Variants in AVEN observed in about 807,000 individuals in gnomAD.
AVEN encodes apoptosis and caspase activation inhibitor.
In AVEN, 41 loss-of-function variants were observed where a neutral mutation model predicts 38.1. The ratio of observed to expected loss-of-function variants is 1.08; its 90% CI spans 0.84 to 1.40. The LOEUF (loss-of-function observed/expected upper bound fraction) is 1.40, where lower values mean the gene tolerates loss of function less well. Among genes scored for constraint, AVEN ranks in the 40% most tolerant of loss-of-function variants. The probability of loss-of-function intolerance (pLI) is 0.00; values close to 1 mark genes in which losing one functional copy is unlikely to be tolerated. For synonymous variants in AVEN, 206 were observed against 171.8 expected, an observed-to-expected ratio of 1.20 and a Z score of -1.56; for missense variants, 605 against 438.8, an observed-to-expected ratio of 1.38 and a Z score of -3.38.
chr15:33,990,190 T>TGA (rs1360810671), intron 2 of AVEN, among the ~76,000 whole-genome samples: 2 of 150,184 alleles, frequency 1.3e-5, no homozygotes, highest in Non-Finnish European at 3.0e-5. Flanking sequence ...GGCAACAGGG[T>TGA]GAGACTCCGT....
intron 1 of AVEN, 126 bp downstream of exon 1, chr15:34,038,654 A>AGGCGCCGGCGCCGGC (rs1306899235): frequency 2.3e-6 from 2 of 854,276 alleles, no homozygotes; most frequent in Non-Finnish European, 2.9e-6. Context: ...CGTCCCGCGC[A>AGGCGCCGGCGCCGGC]GGCGCCGGCG....
At chr15:33,936,874 G>A (rs1405523616) in intron 2 of AVEN, among the ~76,000 whole-genome samples, 2 of 152,250 alleles carry the variant, frequency 1.3e-5, no homozygotes, top group African/African-American at 4.8e-5. Flanking sequence ...GCTCACGCCT[G>A]TAATCCCAAC....
chr15:33,862,287 A>G (rs943036278), downstream of AVEN, among the ~76,000 whole-genome samples: 4 of 152,098 alleles, frequency 2.6e-5, no homozygotes, highest in Non-Finnish European at 5.9e-5. Flanking sequence ...ATCTTGGCTC[A>G]CTGCAACCTC....
At chr15:33,908,723 T>A (rs1017244190) in intron 2 of AVEN, among the ~76,000 whole-genome samples, 5 of 152,242 alleles carry the variant, frequency 3.3e-5, no homozygotes, top group Non-Finnish European at 5.9e-5. Context: ...ATTTATTCAT[T>A]TATCCATGAA....
At chr15:34,016,355 T>C (rs114427995) in intron 1 of AVEN, among the ~76,000 whole-genome samples, 59 of 152,328 alleles carry the variant, frequency 3.9e-4, no homozygotes, top group African/African-American at 1.4e-3. Context: ...TCTTATTATG[T>C]AGTAAACTTA....
intron 2 of AVEN, among the ~76,000 whole-genome samples, chr15:33,998,622 T>A (rs943994361): frequency 2.1e-4 from 32 of 152,174 alleles, no homozygotes; most frequent in African/African-American, 7.7e-4. Flanking sequence ...CAAGAAAAAA[T>A]TTATGCCACC....
At chr15:33,996,126 GA>G (rs1896922791) in intron 2 of AVEN, among the ~76,000 whole-genome samples, 3 of 152,250 alleles carry the variant, frequency 2.0e-5, no homozygotes, top group African/African-American at 7.2e-5. Context: ...CTGGCAGGGG[GA>G]GGGGCGTCTG....
At chr15:33,917,403 ATAC>A (rs1567412523) in intron 2 of AVEN, among the ~76,000 whole-genome samples, 9 of 147,744 alleles carry the variant, frequency 6.1e-5, no homozygotes, top group South Asian at 4.3e-4. Flanking sequence ...CACACATGGA[ATAC>A]TACTATATAT....
At chr15:33,859,809 G>A (rs2153013873) in intron 11 of AVEN, 2 of 1,416,182 alleles carry the variant, frequency 1.4e-6, no homozygotes, top group Non-Finnish European at 1.9e-6. Flanking sequence ...TGACTTAATT[G>A]GTTTATGAAG....
intron 5 of AVEN, among the ~76,000 whole-genome samples, chr15:34,057,269 TGAGAATATAGGCACATGCCACCAC>T: frequency 6.6e-6 from 1 of 151,578 alleles, no homozygotes; most frequent in Non-Finnish European, 1.5e-5. Context: ...CCTGAGTAGC[TGAGAATATAGGCACATGCCACCAC>T]GCCCAGCTAA....
chr15:34,002,153 A>G (rs964559426), intron 2 of AVEN, among the ~76,000 whole-genome samples: 1 of 152,182 alleles, frequency 6.6e-6, no homozygotes, highest in African/African-American at 2.4e-5. Flanking sequence ...CAATCTGCCA[A>G]TCTTATTCAA....
At chr15:33,864,009 C>T (rs1333153531), downstream of AVEN, 10 of 630,024 alleles carry the variant, frequency 1.6e-5, no homozygotes, top group East Asian at 2.5e-4. Context: ...GCCACACTTC[C>T]CTGATCATTT....
At chr15:34,004,662 T>C (rs1897266654) in intron 1 of AVEN, among the ~76,000 whole-genome samples, 1 of 152,160 alleles carries the variant, frequency 6.6e-6, no homozygotes. Flanking sequence ...AGATAGGACA[T>C]GTGAGGTTTG....
chr15:33,862,659 G>A (rs537200198), downstream of AVEN, among the ~76,000 whole-genome samples: 18 of 152,072 alleles, frequency 1.2e-4, no homozygotes, highest in South Asian at 3.7e-3. Context: ...CACCCAGGCT[G>A]AAGTGCAGTG....
At chr15:33,921,599 G>T (rs114962462) in intron 2 of AVEN, among the ~76,000 whole-genome samples, 56 of 152,336 alleles carry the variant, frequency 3.7e-4, no homozygotes, top group African/African-American at 1.3e-3. Flanking sequence ...CCTGTGCATT[G>T]CCTTGAGATG....
chr15:34,066,136 G>A (rs1323067523), exon 4 of AVEN: 2 of 152,214 alleles, frequency 1.3e-5, no homozygotes. Context: ...CATCTGCTGA[G>A]CCTTTGTAAA....
intron 2 of AVEN, among the ~76,000 whole-genome samples, chr15:33,950,176 G>C (rs1429863958): frequency 6.6e-6 from 1 of 152,208 alleles, no homozygotes; most frequent in Non-Finnish European, 1.5e-5. Flanking sequence ...CACAGAAGCA[G>C]AGAGTAGAAC....
chr15:33,934,612 C>G (rs569091145), intron 2 of AVEN, among the ~76,000 whole-genome samples: 11 of 152,290 alleles, frequency 7.2e-5, no homozygotes, highest in African/African-American at 2.6e-4. Context: ...ACTCTAATGT[C>G]CTTGCTAGGA....
At chr15:33,880,705 G>A (rs1891448398) in intron 2 of AVEN, among the ~76,000 whole-genome samples, 1 of 151,926 alleles carries the variant, frequency 6.6e-6, no homozygotes, top group Non-Finnish European at 1.5e-5. Context: ...AAAACGATCA[G>A]GCCTACCAAA....
Sources: gnomAD v4.1 joint callset for allele counts (sites outside exome capture counted in the v4.1 genomes callset) on GRCh38, gnomAD v4.1.1 for gene constraint, MANE v1.5 for transcripts, NCBI Gene and HGNC (gene_info 2026-07-23, HGNC 2026-07-21) for gene names.